The following ARL1 variants were observed in gnomAD, a reference collection of about 807,000 sequenced individuals.
ARL1 encodes the protein ARF like GTPase 1.
A neutral mutation model predicts 30.1 loss-of-function variants in ARL1; 17 were observed. That is an observed-to-expected ratio of 0.56 (90% CI 0.39 to 0.85). The LOEUF (loss-of-function observed/expected upper bound fraction) is 0.85. ARL1 is among the 40% of genes least tolerant of loss of function. The probability of loss-of-function intolerance (pLI) is 0.00; values close to 1 mark genes in which losing one functional copy is unlikely to be tolerated. For synonymous variants in ARL1, 58 were observed against 71.7 expected (o/e 0.81, Z 0.97); for missense variants, 102 against 212.6 (o/e 0.48, Z 3.24).
At chr12:101,401,473 C>T (rs1336556035) in intron 3 of ARL1, 1 of 165,348 alleles carries the variant, frequency 6.0e-6, no homozygotes, top group Admixed American at 6.4e-5. Flanking sequence ...CCCATCTCTA[C>T]TAAAAATACA....
intron 4 of ARL1, among the ~76,000 whole-genome samples, chr12:101,399,221 G>A (rs1263336599): frequency 6.6e-6 from 1 of 152,106 alleles, no homozygotes; most frequent in Non-Finnish European, 1.5e-5. Context: ...CCTGGGCTGA[G>A]CGCGGTGGCT....
intron 2 of ARL1, chr12:101,403,750 A>G: frequency 1.3e-5 from 2 of 152,644 alleles, no homozygotes; most frequent in Non-Finnish European, 2.9e-5. Flanking sequence ...ACCTGAGGTC[A>G]GGAGTTCGAG....
chr12:101,397,509 C>CT (rs1398125844), intron 4 of ARL1, among the ~76,000 whole-genome samples: 4 of 143,064 alleles, frequency 2.8e-5, no homozygotes, highest in South Asian at 4.9e-4. Flanking sequence ...TTTTTTTTTT[C>CT]TTTTTTTAAG....
At chr12:101,395,735 A>T in intron 5 of ARL1, 65 bp from the exon 6 acceptor site, 1 of 1,218,248 alleles carries the variant, frequency 8.2e-7, no homozygotes, top group Non-Finnish European at 1.2e-6. Flanking sequence ...ATCATCTATA[A>T]TAAACTTTGT....
rs761284469 is a variant in ARL1, at chr12:101,393,299, T to C, written c.*2341A>G. On this transcript the variant is annotated 3_prime_UTR_variant, in exon 6 of 6. Transcript: ENST00000261636. The stretch of plus-strand genomic sequence containing the variant: ...CAGGTATTTCAGATAACAGAAGTAA[T>C]TCTACCACTCTCAAATTTTTTTTTT... 1.3e-5 allele frequency: 2 copies of C among 151,936 alleles called. No homozygotes were observed. The highest frequency in any genetic ancestry group is 2.9e-5 in the Non-Finnish European group (2 of 68,016). 9.4% of individuals were successfully genotyped at this position (151,936 alleles called of 1,614,324 possible).
At chr12:101,401,815 CA>C (rs1326198333) in intron 3 of ARL1, among the ~76,000 whole-genome samples, 1 of 151,786 alleles carries the variant, frequency 6.6e-6, no homozygotes, top group Admixed American at 6.6e-5. Context: ...TCTTCTTAAA[CA>C]AATCTTTAAC....
rs183709957 is a variant in ARL1, at chr12:101,401,353, T to C, written c.225-180A>G. On this transcript the variant is annotated intron_variant, in intron 3 of 5. Transcript: ENST00000261636. ...GGAGTCAAAAGAATGTTGATAAACA[T>C]TGGCTGGGCACGGTGGCTCACATCT... 39 of 489,212 alleles carry C rather than the reference T, an allele frequency of 8.0e-5. No individual in the cohort carries two copies. The South Asian group carries it at 8.5e-4, about 11-fold the overall frequency. 30.3% of individuals were successfully genotyped at this position (489,212 alleles called of 1,614,324 possible).
chr12:101,406,887 T>G (rs11110782), intron 1 of ARL1: 1 of 151,752 alleles, frequency 6.6e-6, no homozygotes, highest in East Asian at 2.0e-4. Context: ...GCAAGAAGTA[T>G]GCTCCCCAGA....
intron 2 of ARL1, chr12:101,403,155 A>G: frequency 2.1e-6 from 1 of 471,144 alleles, no homozygotes; most frequent in African/African-American, 2.0e-5. Flanking sequence ...TTAAGACGAA[A>G]TAGTATGCTC....
In ARL1 at chr12:101,403,061, A is replaced by G. The variant is rs1357315189; in HGVS notation, c.143-115T>C. On this transcript the variant is annotated intron_variant, in intron 2 of 5. Coordinates refer to ENST00000261636, the MANE Select transcript of ARL1 (RefSeq NM_001177.6). ...TAACTGTTATTAGAGTTTAAAATAT[A>G]TATATATATAATTTGTCTTAGGATT... The G allele has an allele frequency of 3.1e-5, 16 of 514,922 alleles. 1 individual carries two copies. The Admixed American group carries it at 5.7e-4, about 18-fold the overall frequency. The allele number at this position is 514,922 out of a possible 1,614,324, so 31.9% of individuals were successfully genotyped here.
intron 3 of ARL1, 34 bp downstream of exon 3, chr12:101,402,831 A>C: frequency 4.1e-6 from 6 of 1,459,566 alleles, no homozygotes; most frequent in African/African-American, 1.4e-5. Context: ...ATAAATGTCA[A>C]ATACTACCAA....
chr12:101,398,360 C>T (rs932397424), intron 4 of ARL1, among the ~76,000 whole-genome samples: 30 of 150,578 alleles, frequency 2.0e-4, no homozygotes, highest in African/African-American at 7.3e-4. Flanking sequence ...TGCACCACTG[C>T]ACTCCAGCCT....
rs1448149383 is a variant in ARL1 at position 101,393,492 on chromosome 12, C to T, written c.*2148G>A. On this transcript the variant is annotated 3_prime_UTR_variant, in exon 6 of 6. Coordinates refer to ENST00000261636, the MANE Select transcript of ARL1 (RefSeq NM_001177.6). The stretch of plus-strand genomic sequence containing the variant: ...TTTGGTGTTTTACCCATTGCCAGGC[C>T]TCTCATAAAACAATATTCAGATTTG... 9 of 152,148 alleles carry T rather than the reference C, an allele frequency of 5.9e-5. No homozygotes were observed. Among genetic ancestry groups the T allele is most frequent in the Admixed American group, 5.9e-4 (9 of 15,262 alleles). The allele number at this position is 152,148 out of a possible 1,614,324, so 9.4% of individuals were successfully genotyped here.
In ARL1 at chr12:101,395,733, T is replaced by C. The variant is rs1445082933; in HGVS notation, c.516-63A>G. 4 of 1,228,420 alleles carry C rather than the reference T, an allele frequency of 3.3e-6. No homozygotes were observed. In the African/African-American group the frequency reaches 4.5e-5, roughly 14 times the overall value. 76.1% of individuals were successfully genotyped at this position (1,228,420 alleles called of 1,614,324 possible). A position where few individuals can be genotyped will look rare whatever the true frequency, so the allele number is the denominator to read the frequency against. On this transcript the variant is annotated intron_variant, in intron 5 of 5. Transcript: ENST00000261636. Reference sequence around the variant, plus strand: ...TTCAGGTATAAAGCATGATCATCTATAATAAACTTTGTATTGGAGGTGGAT... The same window carrying C: ...TTCAGGTATAAAGCATGATCATCTACAATAAACTTTGTATTGGAGGTGGAT...
At chr12:101,401,388 G>C in intron 3 of ARL1, 4 of 363,742 alleles carry the variant, frequency 1.1e-5, no homozygotes, top group Non-Finnish European at 2.0e-5. Context: ...TGTAATCCCA[G>C]CATTTTAGGA....
intron 1 of ARL1, chr12:101,407,343 G>A (rs1166563121): frequency 2.6e-6 from 1 of 378,294 alleles, no homozygotes; most frequent in Non-Finnish European, 4.7e-6. Flanking sequence ...CTGGGGATGA[G>A]GGAAAACTTC....
chr12:101,406,765 A>C (rs1002464427), intron 1 of ARL1, among the ~76,000 whole-genome samples: 4 of 152,238 alleles, frequency 2.6e-5, no homozygotes, highest in African/African-American at 9.6e-5. Flanking sequence ...GGAAAGTTCA[A>C]CAGAATAGGT....
chr12:101,403,454 C>A, intron 2 of ARL1: 1 of 219,830 alleles, frequency 4.5e-6, no homozygotes, highest in South Asian at 5.4e-5. Context: ...AGAATTTTGG[C>A]TGGCAGCAAA....
chr12:101,398,971 AT>A (rs1279061601), intron 4 of ARL1, among the ~76,000 whole-genome samples: 4 of 152,218 alleles, frequency 2.6e-5, no homozygotes, highest in African/African-American at 9.6e-5. Context: ...GCAATACTTT[AT>A]ATGATAAAAA....
Sources: gnomAD v4.1 joint callset for allele counts (sites outside exome capture counted in the v4.1 genomes callset) on GRCh38, gnomAD v4.1.1 for gene constraint, MANE v1.5 for transcripts, NCBI Gene and HGNC (gene_info 2026-07-23, HGNC 2026-07-21) for gene names.